The following PTPN13 variants were observed in gnomAD, a reference collection of about 807,000 sequenced individuals.
The protein encoded by PTPN13 is tyrosine-protein phosphatase non-receptor type 13.
Under a neutral mutation model 284.0 loss-of-function variants are expected in PTPN13, and 191 were observed. The observed-to-expected ratio is 0.67, with a 90% CI of 0.60 to 0.76. The LOEUF (loss-of-function observed/expected upper bound fraction) is 0.76. PTPN13 is among the 30% of genes least tolerant of loss of function. The pLI, the probability that PTPN13 is intolerant of heterozygous loss-of-function variation, is 0.00. For missense variants in PTPN13, 2,797 were observed against 2,939.9 expected, an observed-to-expected ratio of 0.95 and a Z score of 1.12; for synonymous variants, 986 against 1,022.3, an observed-to-expected ratio of 0.96 and a Z score of 0.68.
intron 35 of PTPN13, among the ~76,000 whole-genome samples, chr4:86,778,584 G>A (rs776177940): frequency 3.9e-5 from 6 of 152,274 alleles, no homozygotes; most frequent in African/African-American, 1.2e-4. Context: ...TTGTCCTAGC[G>A]TTTTGGAAGA....
chr4:86,768,550 A>T (rs148815219), intron 28 of PTPN13, among the ~76,000 whole-genome samples: 2 of 152,298 alleles, frequency 1.3e-5, no homozygotes, highest in Non-Finnish European at 2.9e-5. Flanking sequence ...GTGATGGTGT[A>T]CAGTCATTGT....
intron 2 of PTPN13, among the ~76,000 whole-genome samples, chr4:86,653,056 A>G (rs888565693): frequency 4.0e-5 from 6 of 151,434 alleles, no homozygotes; most frequent in Non-Finnish European, 5.9e-5. Flanking sequence ...TCAGTTTGTC[A>G]TTTGAATTTT....
At chr4:86,626,684 T>C (rs917292124) in intron 1 of PTPN13, among the ~76,000 whole-genome samples, 48 of 152,068 alleles carry the variant, frequency 3.2e-4, no homozygotes, top group African/African-American at 9.9e-4. Flanking sequence ...GCAGCTACTA[T>C]GAAAAACAGT....
chr4:86,750,923 T>A, intron 18 of PTPN13, 36 bp downstream of exon 18: 1 of 1,587,980 alleles, frequency 6.3e-7, no homozygotes, highest in Non-Finnish European at 8.6e-7. Flanking sequence ...TACATATTTG[T>A]AAATTCTACA....
chr4:86,645,946 AG>A lies in PTPN13; in HGVS notation c.115+10576del, dbSNP rs558113391. Among the ~76,000 whole-genome samples, 8 of 152,346 alleles carry A rather than the reference AG, an allele frequency of 5.3e-5. No homozygotes were observed. In the South Asian group the frequency reaches 1.7e-3, roughly 32 times the overall value. ...ATCTCAAGATTTATTATAAAGCTAC[AG>A]TAATCAAAATAAACAACTAGATCAA... On this transcript the variant is annotated intron_variant, in intron 2 of 47. Coordinates refer to ENST00000411767, the MANE Select transcript of PTPN13 (RefSeq NM_080683.3).
chr4:86,713,145 A>G (rs1022390939), intron 7 of PTPN13, among the ~76,000 whole-genome samples: 2 of 152,086 alleles, frequency 1.3e-5, no homozygotes, highest in African/African-American at 2.4e-5. Flanking sequence ...TGTGACTTCT[A>G]CTTTTCTCTG....
At chr4:86,783,749 A>G (rs1014573854) in intron 37 of PTPN13, among the ~76,000 whole-genome samples, 8 of 152,222 alleles carry the variant, frequency 5.3e-5, no homozygotes, top group African/African-American at 1.9e-4. Context: ...TTTTATTTGT[A>G]TAAAATTATT....
chr4:86,605,625 T>A (rs1335900096), intron 1 of PTPN13, among the ~76,000 whole-genome samples: 1 of 151,842 alleles, frequency 6.6e-6, no homozygotes, highest in Non-Finnish European at 1.5e-5. Flanking sequence ...TGAATAGAAA[T>A]AAAAATAAGA....
intron 5 of PTPN13, among the ~76,000 whole-genome samples, chr4:86,692,339 A>G (rs1730112611): frequency 6.6e-6 from 1 of 152,206 alleles, no homozygotes; most frequent in African/African-American, 2.4e-5. Context: ...TTTCAGAAAT[A>G]CTTCCATTTA....
rs1741681034 is a variant in PTPN13 at position 86,784,479 on chromosome 4, A to G, written c.6039A>G (p.Glu2013=). The change falls in exon 38 of 48, where the codon GAA becomes GAG. Residue 2013 remains glutamate, a synonymous_variant. Coordinates refer to ENST00000411767, the MANE Select transcript of PTPN13 (RefSeq NM_080683.3). The stretch of plus-strand genomic sequence containing the variant: ...TTATGCTTTAGGTTGCTGGGGAAGA[A>G]ATAAATGAAATATCGTACCCCAAAG... ...NDSFSTVAGE[E]INEISYPKGK... is the part of the protein sequence containing the mutation. The G allele has an allele frequency of 7.5e-6, 12 of 1,604,698 alleles. No individual in the cohort carries two copies. Among genetic ancestry groups the G allele is most frequent in the Non-Finnish European group, 1.0e-5 (12 of 1,176,832 alleles).
At chr4:86,605,079 C>A (rs978882230) in intron 1 of PTPN13, among the ~76,000 whole-genome samples, 2 of 151,812 alleles carry the variant, frequency 1.3e-5, no homozygotes. Flanking sequence ...TAAGTGAATT[C>A]ATGAGGGAAG....
At chr4:86,802,315 T>C (rs1345166179) in intron 42 of PTPN13, among the ~76,000 whole-genome samples, 1 of 152,154 alleles carries the variant, frequency 6.6e-6, no homozygotes, top group African/African-American at 2.4e-5. Flanking sequence ...AGAATACTTA[T>C]TTTTAAAAAT....
intron 42 of PTPN13, among the ~76,000 whole-genome samples, chr4:86,800,089 C>T (rs557753848): frequency 1.4e-4 from 22 of 152,074 alleles, no homozygotes; most frequent in Middle Eastern, 3.4e-3. Flanking sequence ...CCACCCACCT[C>T]GGCCTCCCAA....
At chr4:86,766,406 TA>T (rs750835059) in intron 26 of PTPN13, 25 bp from the exon 27 acceptor site, 2 of 1,550,464 alleles carry the variant, frequency 1.3e-6, no homozygotes, top group South Asian at 2.4e-5. Context: ...GATTTTTATT[TA>T]TGATTTGAAC....
intron 7 of PTPN13, among the ~76,000 whole-genome samples, chr4:86,715,820 A>G (rs557344116): frequency 1.4e-4 from 21 of 152,226 alleles, no homozygotes; most frequent in Non-Finnish European, 1.9e-4. Context: ...CAGGAGTGAC[A>G]TGAATAGTGC....
rs768141861 is a variant in PTPN13 at position 86,762,797 on chromosome 4, C to T, written c.3624C>T (p.Asp1208=). 27 of 1,613,216 alleles carry T rather than the reference C, an allele frequency of 1.7e-5. No individual in the cohort carries two copies. Among genetic ancestry groups the T allele is most frequent in the Non-Finnish European group, 2.2e-5 (26 of 1,179,278 alleles). Residue 1208 remains aspartate, a synonymous_variant, in exon 24 of 48, where the codon GAC becomes GAT. Coordinates refer to ENST00000411767, the MANE Select transcript of PTPN13 (RefSeq NM_080683.3). ...TGAAGAAATCTTCCTACATGCAAGACAGTGCTATAGATTCTTCTTCCAAGG... is the reference window on the plus strand; with the variant it reads ...TGAAGAAATCTTCCTACATGCAAGATAGTGCTATAGATTCTTCTTCCAAGG... The part of the protein sequence containing the change: ...NYMKKSSYMQ[D]SAIDSSSKDH...
rs573921272 is a variant in PTPN13, at chr4:86,659,756, C to T, written c.116-12609C>T. ...ACTTGAACCTGGGAGGCAGAGGTTG[C>T]GGTGAGCCGAGATGGTGACACCGCA... is the stretch of plus-strand genomic sequence containing the variant. On this transcript the variant is annotated intron_variant, in intron 2 of 47. Transcript: ENST00000411767. 5.9e-5 allele frequency among the ~76,000 whole-genome samples: 9 copies of T among 151,704 alleles called. No homozygotes were observed. In the South Asian group the frequency reaches 1.3e-3, roughly 21 times the overall value.
intron 2 of PTPN13, among the ~76,000 whole-genome samples, chr4:86,651,735 C>T (rs1725108149): frequency 6.6e-6 from 1 of 152,042 alleles, no homozygotes; most frequent in African/African-American, 2.4e-5. Context: ...AGGAATTGAT[C>T]CATTTCTTCT....
chr4:86,757,372 CTT>C (rs1215966737), intron 20 of PTPN13, among the ~76,000 whole-genome samples: 1 of 152,138 alleles, frequency 6.6e-6, no homozygotes, highest in Non-Finnish European at 1.5e-5. Flanking sequence ...TTAAAAATCT[CTT>C]TACTTACTTG....
Sources: gnomAD v4.1 joint callset for allele counts (sites outside exome capture counted in the v4.1 genomes callset) on GRCh38, gnomAD v4.1.1 for gene constraint, MANE v1.5 for transcripts, NCBI Gene and HGNC (gene_info 2026-07-23, HGNC 2026-07-21) for gene names.